ANO3: variants seen among roughly 807,000 people sequenced by gnomAD.
ANO3 encodes the protein anoctamin-3.
ANO3 carries 99 observed loss-of-function variants against 144.8 expected under a neutral mutation model. That is an observed-to-expected ratio of 0.68 (90% CI 0.58 to 0.81). The LOEUF is 0.81. ANO3 is among the 30% of genes least tolerant of loss of function. ANO3 has a pLI of 0.00. For missense variants in ANO3, 905 were observed against 1,202.2 expected (o/e 0.75, Z 3.66); for synonymous variants, 414 against 392.6 (o/e 1.05, Z -0.64).
Position 26,634,210 on chromosome 11 carries a change from C to T in ANO3, c.1880C>T (p.Pro627Leu). The T allele has an allele frequency of 6.2e-7, 1 of 1,612,074 alleles. No individual in the cohort carries two copies. The highest frequency in any genetic ancestry group is 8.5e-7 in the Non-Finnish European group (1 of 1,178,344). The change falls in exon 19 of 27, where the codon CCT (proline) becomes CTT (leucine). Residue 627 changes from proline (P) to leucine (L), a missense_variant. This residue lies in a region of ANO3 where 597 missense variants were observed against 865.1 expected (regional missense o/e 0.69). Transcript: ENST00000256737. Reference sequence around the variant, plus strand: ...CAACCTGTGTTCCTTTTAGAATATCCTCGAACAGAATCAGAGTGGGAAAAC... The same window carrying T: ...CAACCTGTGTTCCTTTTAGAATATCTTCGAACAGAATCAGAGTGGGAAAAC... ...IAYLLTNLEY[P>L]RTESEWENSF...
At position 26,647,738 on chromosome 11, in the gene ANO3, G is replaced by T; in HGVS notation, c.2458G>T (p.Gly820Cys). 3.7e-6 allele frequency: 6 copies of T among 1,608,506 alleles called. No individual in the cohort carries two copies. Among genetic ancestry groups the T allele is most frequent in the South Asian group, 1.1e-5 (1 of 89,862 alleles). ...GIWLGILEGI[G>C]ILAVITNAFV... is the part of the protein sequence containing the mutation. ...CTGGCTTGGAATTCTCGAAGGAATC[G>T]GTATATTGGCTGTGATCACCAATGC... Residue 820 changes from glycine to cysteine, a missense_variant, in exon 24 of 27, where the codon GGT becomes TGT. By Grantham distance (159) the Gly-to-Cys change is radical. Coordinates refer to ENST00000256737, the MANE Select transcript of ANO3 (RefSeq NM_031418.4).
intron 14 of ANO3, among the ~76,000 whole-genome samples, chr11:26,582,446 C>T (rs1223206698): frequency 6.6e-6 from 1 of 152,200 alleles, no homozygotes; most frequent in African/African-American, 2.4e-5. Flanking sequence ...GTTCCAGGGA[C>T]TGACTATACA....
chr11:26,314,870 A>C (rs1318879408), intron 1 of ANO3, among the ~76,000 whole-genome samples: 2 of 152,198 alleles, frequency 1.3e-5, no homozygotes, highest in African/African-American at 4.8e-5. Flanking sequence ...TAAAGACTTT[A>C]TCTGGGTAAT....
intron 14 of ANO3, among the ~76,000 whole-genome samples, chr11:26,564,726 CACACACATATATAT>C (rs1207673066): frequency 2.1e-3 from 103 of 49,226 alleles, no homozygotes; most frequent in African/African-American, 5.6e-3. Flanking sequence ...CACACACACA[CACACACATATATAT>C]ATATATATAT....
chr11:26,346,729 C>T lies in ANO3; in HGVS notation c.46+14408C>T, dbSNP rs574367508. Among the ~76,000 whole-genome samples, 15 of 152,256 alleles carry T rather than the reference C, an allele frequency of 9.9e-5. No individual in the cohort carries two copies. The South Asian group carries it at 3.1e-3, about 32-fold the overall frequency. ...GTACTGCACTAAATGGAAAATATAA[C>T]ATTTAACAAGATTTGACATCTGCTG... On this transcript the variant is annotated intron_variant, in intron 1 of 26. Transcript: ENST00000256737.
intron 1 of ANO3, among the ~76,000 whole-genome samples, chr11:26,377,678 C>T (rs147958019): frequency 1.1e-4 from 16 of 151,988 alleles, no homozygotes; most frequent in Middle Eastern, 3.4e-3. Context: ...TCAGGAAGCT[C>T]GATGAATATC....
At chr11:26,541,099 T>A (rs1480645059) in intron 10 of ANO3, among the ~76,000 whole-genome samples, 5 of 152,164 alleles carry the variant, frequency 3.3e-5, no homozygotes, top group Non-Finnish European at 7.3e-5. Flanking sequence ...ATATACACCA[T>A]GGAATACTAT....
intron 22 of ANO3, 146 bp from the exon 23 acceptor site, chr11:26,643,036 T>C: frequency 1.4e-6 from 1 of 690,224 alleles, no homozygotes; most frequent in East Asian, 2.7e-5. Flanking sequence ...TTAACATATA[T>C]GAAATAAGGT....
intron 22 of ANO3, among the ~76,000 whole-genome samples, chr11:26,642,693 A>G (rs1450391994): frequency 2.0e-5 from 3 of 152,052 alleles, no homozygotes; most frequent in Admixed American, 6.6e-5. Context: ...CATTCTACTC[A>G]CGCAAAGCAA....
chr11:26,371,191 C>G (rs1405078889), intron 1 of ANO3, among the ~76,000 whole-genome samples: 2 of 152,188 alleles, frequency 1.3e-5, no homozygotes, highest in South Asian at 2.1e-4. Flanking sequence ...TGCTTCAGCT[C>G]CAGCCATGGG....
chr11:26,577,895 A>G (rs1851031937), intron 14 of ANO3, among the ~76,000 whole-genome samples: 1 of 152,210 alleles, frequency 6.6e-6, no homozygotes, highest in African/African-American at 2.4e-5. Context: ...GATAGTAAAA[A>G]TATGATAGGA....
intron 4 of ANO3, among the ~76,000 whole-genome samples, chr11:26,494,452 G>T (rs17243315): frequency 6.6e-6 from 1 of 152,012 alleles, no homozygotes; most frequent in Admixed American, 6.6e-5. Context: ...GCACAGTAAC[G>T]TGAGATAGGA....
chr11:26,247,301 C>T lies in ANO3; in HGVS notation c.154+57971C>T, dbSNP rs952552421. Among the ~76,000 whole-genome samples the T allele has an allele frequency of 4.6e-5, 7 of 152,030 alleles. No homozygotes were observed. The South Asian group carries it at 1.2e-3, about 27-fold the overall frequency. ...ATACAGTACTATCTTTTTTTCCAAG[C>T]GTGACCTAGTTGTCTCACAACGTGC... On this transcript the variant is annotated intron_variant, in intron 1 of 27. Transcript: ENST00000672621.
chr11:26,379,073 A>T (rs947614193), intron 1 of ANO3, among the ~76,000 whole-genome samples: 2 of 152,120 alleles, frequency 1.3e-5, no homozygotes, highest in Admixed American at 1.3e-4. Context: ...CCATACAGAA[A>T]GCATCCCTGA....
intron 1 of ANO3, among the ~76,000 whole-genome samples, chr11:26,204,395 T>C (rs1851756511): frequency 6.6e-6 from 1 of 152,106 alleles, no homozygotes; most frequent in Admixed American, 6.6e-5. Flanking sequence ...TCTTCAGCTC[T>C]CTCCTTGCTT....
At chr11:26,216,378 T>C (rs1852036254) in intron 1 of ANO3, among the ~76,000 whole-genome samples, 1 of 152,006 alleles carries the variant, frequency 6.6e-6, no homozygotes. Context: ...AATTTTTCCA[T>C]TTAGAGAATC....
chr11:26,428,324 T>A (rs1418728664), intron 1 of ANO3, among the ~76,000 whole-genome samples: 1 of 151,988 alleles, frequency 6.6e-6, no homozygotes, highest in Non-Finnish European at 1.5e-5. Flanking sequence ...TCCGGGAAAA[T>A]TGATTTAGAT....
intron 4 of ANO3, among the ~76,000 whole-genome samples, chr11:26,483,781 G>T (rs964932204): frequency 1.3e-5 from 2 of 152,138 alleles, no homozygotes; most frequent in African/African-American, 4.8e-5. Flanking sequence ...TGGGGTTAAT[G>T]GGCAGAGGTT....
intron 4 of ANO3, among the ~76,000 whole-genome samples, chr11:26,475,426 C>T (rs1859926427): frequency 6.6e-6 from 1 of 151,934 alleles, no homozygotes; most frequent in Admixed American, 6.6e-5. Context: ...TTTCATAAGA[C>T]ACTTCATAGG....
Sources: allele counts gnomAD v4.1 joint callset (sites outside exome capture counted in the v4.1 genomes callset), GRCh38; gene constraint gnomAD v4.1.1; regional missense constraint gnomAD v4.1.1; transcripts MANE v1.5; gene names NCBI Gene and HGNC (gene_info 2026-07-23, HGNC 2026-07-21).